The following CPA4 variants were observed in gnomAD, a reference collection of about 807,000 sequenced individuals.
The protein encoded by CPA4 is carboxypeptidase A4.
A neutral mutation model predicts 54.7 loss-of-function variants in CPA4; 49 were observed. The observed-to-expected ratio is 0.90, with a 90% CI of 0.71 to 1.14. The LOEUF (loss-of-function observed/expected upper bound fraction) is 1.14, where lower values mean the gene tolerates loss of function less well. Ranked by LOEUF, CPA4 falls within the 50% of genes most tolerant of loss-of-function variation. CPA4 has a pLI of 0.00. For synonymous variants in CPA4, 215 were observed against 206.8 expected (o/e 1.04, Z -0.34); for missense variants, 487 against 525.1 (o/e 0.93, Z 0.71).
In CPA4 at chr7:130,307,912, G is replaced by C. The variant is rs76183263; in HGVS notation, c.703-395G>C. The stretch of plus-strand genomic sequence containing the variant: ...CTGTTCATAGATTGCCAGGTCTAGA[G>C]CTTGATTGGATTCAGGGGAATTTTT... On this transcript the variant is annotated intron_variant, in intron 7 of 10. Coordinates refer to ENST00000222482, the MANE Select transcript of CPA4 (RefSeq NM_016352.4). 5.1e-3 allele frequency among the ~76,000 whole-genome samples: 777 copies of C among 152,298 alleles called. 5 individuals carry two copies. The highest frequency in any genetic ancestry group is 0.018 in the African/African-American group (754 of 41,556).
intron 1 of CPA4, among the ~76,000 whole-genome samples, chr7:130,294,296 TTTTC>T (rs1793616774): frequency 6.6e-6 from 1 of 152,210 alleles, no homozygotes; most frequent in Non-Finnish European, 1.5e-5. Context: ...TGTCTCTTAG[TTTTC>T]TTTCTATTTT....
At chr7:130,305,756 G>A in intron 5 of CPA4, 60 bp from the exon 6 acceptor site, 1 of 1,168,828 alleles carries the variant, frequency 8.6e-7, no homozygotes, top group Non-Finnish European at 1.3e-6. Context: ...GCTGGAGAGA[G>A]GAGAAGTGAG....
At chr7:130,294,365 G>C (rs933195838) in intron 1 of CPA4, among the ~76,000 whole-genome samples, 1 of 152,160 alleles carries the variant, frequency 6.6e-6, no homozygotes, top group African/African-American at 2.4e-5. Context: ...ACTTATATGA[G>C]ATTGACTAAG....
intron 4 of CPA4, among the ~76,000 whole-genome samples, chr7:130,303,794 ATTT>A (rs10560933): frequency 0.4 from 57,766 of 144,408 alleles, 11,231 homozygotes; most frequent in Non-Finnish European, 0.44. Flanking sequence ...GCAGCTGCCT[ATTT>A]TTTTTTTTTT....
Position 130,308,293 on chromosome 7 carries a change from G to C in CPA4, c.703-14G>C, listed in dbSNP as rs369193209. On this transcript the variant is annotated splice_polypyrimidine_tract_variant and intron_variant, in intron 7 of 10. Coordinates refer to ENST00000222482, the MANE Select transcript of CPA4 (RefSeq NM_016352.4). Reference sequence around the variant, plus strand: ...GCCTCTGGTTGTTTGTCCCCTCCTTGGTGGCTTTTTCAGAACCGATTATGG... The same window carrying C: ...GCCTCTGGTTGTTTGTCCCCTCCTTCGTGGCTTTTTCAGAACCGATTATGG... The C allele has an allele frequency of 2.5e-5, 41 of 1,611,900 alleles. No individual in the cohort carries two copies. The South Asian group carries it at 4.1e-4, about 16-fold the overall frequency.
At chr7:130,316,566 G>A (rs747179166) in intron 10 of CPA4, among the ~76,000 whole-genome samples, 2 of 152,170 alleles carry the variant, frequency 1.3e-5, no homozygotes, top group Non-Finnish European at 2.9e-5. Flanking sequence ...CTCCCTTTAT[G>A]TGAGTGGAAG....
Position 130,299,344 on chromosome 7 carries a change from A to AT in CPA4, c.228dup (p.Lys77Ter). 1 of 1,613,802 alleles carries AT rather than the reference A, an allele frequency of 6.2e-7. No homozygotes were observed. On this transcript the variant is annotated frameshift_variant, in exon 3 of 11. Transcript: ENST00000222482. LOFTEE classifies it high-confidence loss of function. ...TGGTCCCATCTGTCAGTCTGCAGGC[A>AT]TTTAAATCCTTCCTGAGATCCCAGG...
intron 7 of CPA4, 92 bp from the exon 8 acceptor site, chr7:130,308,215 C>A: frequency 9.4e-7 from 1 of 1,063,210 alleles, no homozygotes; most frequent in Non-Finnish European, 1.5e-6. Flanking sequence ...CTGCAAGCAG[C>A]CTGCCCTGCC....
At position 130,298,946 on chromosome 7, in the gene CPA4, T is replaced by C. The variant is rs537190418; in HGVS notation, c.150+119T>C. On this transcript the variant is annotated intron_variant, in intron 2 of 10. Transcript: ENST00000222482. The stretch of plus-strand genomic sequence containing the variant: ...GTCTCTGAATATAATCCTGTGGGAG[T>C]CCACTTGCCATTTATACAATTGAGG... The C allele has an allele frequency of 2.9e-5, 20 of 678,530 alleles. No homozygotes were observed. The African/African-American group carries it at 3.1e-4, about 10-fold the overall frequency. The allele number at this position is 678,530 out of a possible 1,614,324, so 42.0% of individuals were successfully genotyped here. A position where few individuals can be genotyped will look rare whatever the true frequency, so the allele number is the denominator to read the frequency against.
intron 10 of CPA4, among the ~76,000 whole-genome samples, chr7:130,319,367 C>T (rs573292604): frequency 1.3e-5 from 2 of 152,260 alleles, no homozygotes; most frequent in African/African-American, 4.8e-5. Context: ...AATGTTGGTG[C>T]GTTACCCATC....
chr7:130,308,276 T>G, intron 7 of CPA4, 31 bp from the exon 8 acceptor site: 1 of 1,581,836 alleles, frequency 6.3e-7, no homozygotes, highest in Non-Finnish European at 8.7e-7. Flanking sequence ...CTGCCTCTGG[T>G]TGTTTGTCCC....
rs1794153647 is a variant in CPA4, at chr7:130,323,338, G to C, written c.*662G>C. The C allele has an allele frequency of 6.6e-6, 1 of 152,144 alleles. No homozygotes were observed. The highest frequency in any genetic ancestry group is 2.1e-4 in the South Asian group (1 of 4,822). 9.4% of individuals were successfully genotyped at this position (152,144 alleles called of 1,614,324 possible). A position where few individuals can be genotyped will look rare whatever the true frequency, so the allele number is the denominator to read the frequency against. Reference sequence around the variant, plus strand: ...GGGTTCAAGCAATTCTCCTGCCTCAGCCTCTTGAGTAGCTTGGTTTATAGG... The same window carrying C: ...GGGTTCAAGCAATTCTCCTGCCTCACCCTCTTGAGTAGCTTGGTTTATAGG... On this transcript the variant is annotated 3_prime_UTR_variant, in exon 11 of 11. Transcript: ENST00000222482.
At chr7:130,317,280 A>G (rs959639913) in intron 10 of CPA4, among the ~76,000 whole-genome samples, 1 of 152,250 alleles carries the variant, frequency 6.6e-6, no homozygotes, top group African/African-American at 2.4e-5. Flanking sequence ...CATGCTGTGC[A>G]GGCTTGTAGC....
At chr7:130,297,911 C>T (rs1442277331) in intron 1 of CPA4, among the ~76,000 whole-genome samples, 4 of 152,148 alleles carry the variant, frequency 2.6e-5, no homozygotes, top group African/African-American at 7.2e-5. Context: ...CACAGGACTT[C>T]GGGGGCCACT....
chr7:130,321,679 T>C (rs1794103924), intron 10 of CPA4, among the ~76,000 whole-genome samples: 1 of 152,150 alleles, frequency 6.6e-6, no homozygotes, highest in South Asian at 2.1e-4. Context: ...ATGTCTTACA[T>C]GGTAGCAGGG....
intron 8 of CPA4, among the ~76,000 whole-genome samples, chr7:130,309,150 T>A (rs1014960358): frequency 6.6e-6 from 1 of 152,240 alleles, no homozygotes; most frequent in African/African-American, 2.4e-5. Flanking sequence ...CCGGACTGTT[T>A]GTTGTTTTTT....
intron 10 of CPA4, 59 bp downstream of exon 10, chr7:130,312,181 G>A (rs1793926038): frequency 8.3e-7 from 1 of 1,208,904 alleles, no homozygotes; most frequent in East Asian, 2.3e-5. Context: ...AACTTGAAAT[G>A]GAGTGGGAGG....
At chr7:130,295,436 A>G (rs1195068608) in intron 1 of CPA4, among the ~76,000 whole-genome samples, 1 of 152,206 alleles carries the variant, frequency 6.6e-6, no homozygotes, top group African/African-American at 2.4e-5. Context: ...AGGGGCAGAC[A>G]TGGCCACCTG....
intron 10 of CPA4, among the ~76,000 whole-genome samples, chr7:130,312,411 C>T (rs548810211): frequency 1.6e-4 from 24 of 152,222 alleles, no homozygotes; most frequent in African/African-American, 5.8e-4. Context: ...CCCTCATCTT[C>T]CTAAAGGAGA....
Sources: gnomAD v4.1 joint callset for allele counts (sites outside exome capture counted in the v4.1 genomes callset) on GRCh38, gnomAD v4.1.1 for gene constraint, MANE v1.5 for transcripts, NCBI Gene and HGNC (gene_info 2026-07-23, HGNC 2026-07-21) for gene names.